The following M1AP variants were observed in gnomAD, a reference collection of about 807,000 sequenced individuals.
M1AP encodes meiosis 1 arrest protein.
In M1AP, 39 loss-of-function variants were observed where a neutral mutation model predicts 51.2. The observed-to-expected ratio is 0.76, with a 90% CI of 0.59 to 1.00. The LOEUF (loss-of-function observed/expected upper bound fraction) is 1.00. Ranked by LOEUF, M1AP falls within the 50% of genes least tolerant of loss-of-function variation. M1AP has a pLI of 0.00. For synonymous variants in M1AP, 251 were observed against 249.2 expected (o/e 1.01, Z -0.07); for missense variants, 545 against 641.2 (o/e 0.85, Z 1.62).
chr2:74,576,140 G>C (rs1679052905), intron 6 of M1AP, among the ~76,000 whole-genome samples: 1 of 152,198 alleles, frequency 6.6e-6, no homozygotes, highest in Non-Finnish European at 1.5e-5. Context: ...TCTCTGTCTT[G>C]ATGCCTAAAC....
At chr2:74,606,619 A>T (rs530313072) in intron 4 of M1AP, among the ~76,000 whole-genome samples, 5 of 151,630 alleles carry the variant, frequency 3.3e-5, no homozygotes, top group Admixed American at 6.6e-5. Context: ...TATATATATA[A>T]AAGAATGTTA....
chr2:74,560,270 G>C lies in M1AP; in HGVS notation c.1303C>G (p.Leu435Val). 1 of 1,610,752 alleles carries C rather than the reference G, an allele frequency of 6.2e-7. No homozygotes were observed. The highest frequency in any genetic ancestry group is 8.5e-7 in the Non-Finnish European group (1 of 1,178,452). The change falls in exon 9 of 11, where the codon CTG becomes GTG. Residue 435 changes from leucine to valine, a missense_variant. Transcript: ENST00000421985. ...TGCAAGGGGTTGTAGGTGGGCTCCAGCTCCAGGCTGTCCAGCATGCTCTGA... is the reference window on the plus strand; with the variant it reads ...TGCAAGGGGTTGTAGGTGGGCTCCACCTCCAGGCTGTCCAGCATGCTCTGA... Reference protein sequence around the residue: ...NVESMLDSLELEPTYNPLHVQ... With the variant: ...NVESMLDSLEVEPTYNPLHVQ...
At chr2:74,646,809 C>CT (rs1683643148) in intron 1 of M1AP, among the ~76,000 whole-genome samples, 1 of 152,138 alleles carries the variant, frequency 6.6e-6, no homozygotes. Context: ...GGTTATAGAA[C>CT]AACTGTAATT....
At chr2:74,609,459 T>C (rs371700896) in intron 3 of M1AP, among the ~76,000 whole-genome samples, 2 of 152,246 alleles carry the variant, frequency 1.3e-5, no homozygotes, top group South Asian at 2.1e-4. Context: ...CATTTATCCA[T>C]TGATAGACAC....
chr2:74,634,793 T>C (rs1314762961), intron 2 of M1AP, among the ~76,000 whole-genome samples: 1 of 152,204 alleles, frequency 6.6e-6, no homozygotes, highest in Non-Finnish European at 1.5e-5. Context: ...GTATACTACT[T>C]TGATTGATTT....
intron 2 of M1AP, among the ~76,000 whole-genome samples, chr2:74,621,784 C>A (rs894100988): frequency 1.3e-5 from 2 of 150,920 alleles, no homozygotes; most frequent in African/African-American, 4.9e-5. Context: ...CAGAGCGAGA[C>A]TCCGTCTCAA....
At chr2:74,568,143 T>C (rs1256417228) in intron 7 of M1AP, among the ~76,000 whole-genome samples, 2 of 152,118 alleles carry the variant, frequency 1.3e-5, no homozygotes. Context: ...TGTAAGGAAA[T>C]CCAGGAGCCT....
chr2:74,622,496 A>G (rs1309846605), intron 2 of M1AP, among the ~76,000 whole-genome samples: 1 of 150,632 alleles, frequency 6.6e-6, no homozygotes, highest in Non-Finnish European at 1.5e-5. Flanking sequence ...TGGCCTCCCA[A>G]AGTGTTGGGA....
rs183624857 is a variant in M1AP at position 74,642,093 on chromosome 2, G to T, written c.-52-1766C>A. On this transcript the variant is annotated intron_variant, in intron 1 of 10. Transcript: ENST00000421985. ...CTTCTGCCCGCCTCGGCCTCCCAAA[G>T]TGCTGGGATTACAGGCGTGAGCCAC... Among the ~76,000 whole-genome samples, 283 of 152,192 alleles carry T rather than the reference G, an allele frequency of 1.9e-3. 1 individual carries two copies. The highest frequency in any genetic ancestry group is 6.6e-3 in the African/African-American group (274 of 41,526).
chr2:74,558,662 G>T lies in M1AP; in HGVS notation c.*54C>A. 1 of 1,596,354 alleles carries T rather than the reference G, an allele frequency of 6.3e-7. No individual in the cohort carries two copies. The highest frequency in any genetic ancestry group is 1.1e-5 in the South Asian group (1 of 88,434). The stretch of plus-strand genomic sequence containing the variant: ...GTCTGACCACAGATAGCCATTATGT[G>T]AACCTGAGCATGGATATGGTTAAGC... On this transcript the variant is annotated 3_prime_UTR_variant, in exon 11 of 11. Coordinates refer to ENST00000421985, the MANE Select transcript of M1AP (RefSeq NM_001321739.2).
At chr2:74,635,347 T>C (rs1682924203) in intron 2 of M1AP, among the ~76,000 whole-genome samples, 2 of 152,142 alleles carry the variant, frequency 1.3e-5, no homozygotes, top group South Asian at 2.1e-4. Flanking sequence ...TCATTCCTGA[T>C]ATTGGTAATC....
At chr2:74,585,245 C>T (rs1029717199) in intron 4 of M1AP, among the ~76,000 whole-genome samples, 2 of 152,114 alleles carry the variant, frequency 1.3e-5, no homozygotes, top group Non-Finnish European at 2.9e-5. Flanking sequence ...CTGGCAGTGC[C>T]CATCTTAAGT....
intron 7 of M1AP, among the ~76,000 whole-genome samples, chr2:74,565,523 A>G (rs1350648283): frequency 1.3e-5 from 2 of 152,122 alleles, no homozygotes; most frequent in African/African-American, 2.4e-5. Context: ...AATCATCTCA[A>G]TAGATGGAGA....
intron 4 of M1AP, among the ~76,000 whole-genome samples, chr2:74,596,809 A>T (rs1394389551): frequency 1.3e-5 from 2 of 152,252 alleles, no homozygotes; most frequent in Non-Finnish European, 2.9e-5. Flanking sequence ...AAAACGCACT[A>T]CTGATATAAA....
chr2:74,604,990 A>G (rs1247209437), intron 4 of M1AP, among the ~76,000 whole-genome samples: 1 of 152,070 alleles, frequency 6.6e-6, no homozygotes, highest in Non-Finnish European at 1.5e-5. Context: ...CGGGTGGATC[A>G]CCTAAGGTCA....
At chr2:74,570,490 T>C (rs1678669790) in intron 7 of M1AP, among the ~76,000 whole-genome samples, 1 of 152,284 alleles carries the variant, frequency 6.6e-6, no homozygotes, top group Middle Eastern at 3.4e-3. Flanking sequence ...ATCTCAAACA[T>C]AGGATCCTAT....
rs13400492 is a variant in M1AP at position 74,590,445 on chromosome 2, C to T, written c.596-8598G>A. ...TTTCAAAGATGAATTTTAGGGGGGGCGGGGGCGGGATACAACATTCAGACC... is the reference window on the plus strand; with the variant it reads ...TTTCAAAGATGAATTTTAGGGGGGGTGGGGGCGGGATACAACATTCAGACC... On this transcript the variant is annotated intron_variant, in intron 4 of 10. Coordinates refer to ENST00000421985, the MANE Select transcript of M1AP (RefSeq NM_001321739.2). Among the ~76,000 whole-genome samples the T allele has an allele frequency of 1.3e-4, 15 of 111,966 alleles. No individual in the cohort carries two copies. The East Asian group carries it at 3.9e-3, about 29-fold the overall frequency. The allele number at this position is 111,966 out of a possible 152,430, so 73.5% of individuals were successfully genotyped here.
intron 2 of M1AP, among the ~76,000 whole-genome samples, chr2:74,636,044 T>C (rs1210076587): frequency 6.6e-6 from 1 of 152,110 alleles, no homozygotes; most frequent in Non-Finnish European, 1.5e-5. Context: ...CTATAATTGT[T>C]GAGAGAGGGA....
In M1AP at chr2:74,562,342, C is replaced by T. The variant is rs1238998315; in HGVS notation, c.1156G>A (p.Val386Met). The T allele has an allele frequency of 5.6e-6, 9 of 1,614,136 alleles. No homozygotes were observed. The highest frequency in any genetic ancestry group is 1.1e-5 in the South Asian group (1 of 91,094). ...SQRIPASTFY[V>M]IMPSHSLTLL... ...GTGAGGGAGTGTGACGGCATGATCA[C>T]ATAGAAGGTGCTGGCAGGAATTCTC... is the stretch of plus-strand genomic sequence containing the variant. The change falls in exon 8 of 11, where the codon GTG becomes ATG. Residue 386 changes from valine to methionine, a missense_variant. Physicochemically the swap from Val to Met is conservative, Grantham distance 21. Transcript: ENST00000421985.
Sources: gnomAD v4.1 joint callset for allele counts (sites outside exome capture counted in the v4.1 genomes callset) on GRCh38, gnomAD v4.1.1 for gene constraint, MANE v1.5 for transcripts, NCBI Gene and HGNC (gene_info 2026-07-23, HGNC 2026-07-21) for gene names.